The following TMEM120B variants were observed in gnomAD, a reference collection of about 807,000 sequenced individuals.
The protein encoded by TMEM120B is transmembrane protein 120B.
A neutral mutation model predicts 55.5 loss-of-function variants in TMEM120B; 31 were observed. The observed-to-expected ratio is 0.56, with a 90% CI of 0.42 to 0.75. TMEM120B has a LOEUF of 0.75. Ranked by LOEUF, TMEM120B falls within the 30% of genes least tolerant of loss-of-function variation. The pLI, the probability that TMEM120B is intolerant of heterozygous loss-of-function variation, is 0.00. For missense variants in TMEM120B, 399 were observed against 425.5 expected, an observed-to-expected ratio of 0.94 and a Z score of 0.55; for synonymous variants, 203 against 176.3, an observed-to-expected ratio of 1.15 and a Z score of -1.20.
At chr12:121,750,331 T>G in intron 3 of TMEM120B, 49 bp from the exon 4 acceptor site, 1 of 1,558,876 alleles carries the variant, frequency 6.4e-7, no homozygotes, top group African/African-American at 1.4e-5. Context: ...TGTTGTTGAT[T>G]CGCACCCACC....
At chr12:121,754,034 G>A (rs923624612) in intron 5 of TMEM120B, among the ~76,000 whole-genome samples, 20 of 152,348 alleles carry the variant, frequency 1.3e-4, no homozygotes, top group Admixed American at 7.8e-4. Flanking sequence ...TGTCCCCAGG[G>A]GAAGCGGTCA....
chr12:121,712,844 G>T lies in TMEM120B; in HGVS notation c.-52G>T. On this transcript the variant is annotated 5_prime_UTR_variant, in exon 1 of 12. Transcript: ENST00000449592. ...GGCGTGGGGCGCTGGGGGGCCGGTC[G>T]GGCAGCGCTGCGGGAGCAGCCGCCG... is the stretch of plus-strand genomic sequence containing the variant. The T allele has an allele frequency of 7.5e-7, 1 of 1,336,554 alleles. No individual in the cohort carries two copies. Among genetic ancestry groups the T allele is most frequent in the East Asian group, 3.1e-5 (1 of 32,294 alleles). 82.8% of individuals were successfully genotyped at this position (1,336,554 alleles called of 1,614,324 possible). A position where few individuals can be genotyped will look rare whatever the true frequency, so the allele number is the denominator to read the frequency against.
intron 1 of TMEM120B, among the ~76,000 whole-genome samples, chr12:121,716,147 TA>T (rs970429226): frequency 3.4e-4 from 49 of 142,126 alleles, no homozygotes; most frequent in Non-Finnish European, 3.9e-4. Flanking sequence ...CTACAAACAG[TA>T]AAAAAAAAAA....
At position 121,775,043 on chromosome 12, in the gene TMEM120B, C is replaced by T. The variant is rs200378793; in HGVS notation, c.838-19C>T. The stretch of plus-strand genomic sequence containing the variant: ...CCAGGGGAGTCTGGTGGGTGAGCAG[C>T]GCCTGCCTTCCTCTCCAGTTCTGGC... On this transcript the variant is annotated intron_variant, in intron 10 of 11. Coordinates refer to ENST00000449592, the MANE Select transcript of TMEM120B (RefSeq NM_001080825.2). This position sits in a 1 kb window ranked among gnomAD's most constrained non-coding sequence, Gnocchi z 4.3. 2.0e-5 allele frequency: 33 copies of T among 1,612,818 alleles called. No homozygotes were observed. Among genetic ancestry groups the T allele is most frequent in the Middle Eastern group, 3.5e-4 (2 of 5,782 alleles).
intron 1 of TMEM120B, among the ~76,000 whole-genome samples, chr12:121,735,056 T>C (rs1011584101): frequency 1.3e-5 from 2 of 148,852 alleles, no homozygotes; most frequent in African/African-American, 4.9e-5. Flanking sequence ...TGTGGTGGCA[T>C]GCGCCTGTAG....
intron 2 of TMEM120B, among the ~76,000 whole-genome samples, chr12:121,745,301 G>T (rs983172811): frequency 1.3e-5 from 2 of 152,166 alleles, no homozygotes; most frequent in African/African-American, 4.8e-5. Flanking sequence ...ATGATTGGTC[G>T]ACTGCTTATG....
rs757382933 is a variant in TMEM120B at position 121,761,656 on chromosome 12, G to A, written c.469G>A (p.Asp157Asn). 3 of 1,613,806 alleles carry A rather than the reference G, an allele frequency of 1.9e-6. No individual in the cohort carries two copies. The highest frequency in any genetic ancestry group is 2.2e-5 in the South Asian group (2 of 91,080). Residue 157 changes from aspartate (D) to asparagine (N), a missense_variant, in exon 6 of 12, where the codon GAC (aspartate) becomes AAC (asparagine). By Grantham distance (23) the Asp-to-Asn change is conservative (BLOSUM62 1). Around this residue, in one of 3 missense-constraint regions of TMEM120B, gnomAD observed 260 missense variants for 303.9 expected, o/e 0.86. Transcript: ENST00000449592. The part of the protein sequence containing the change: ...CRFVLHYRVT[D>N]EVFNFLLVWY... The stretch of plus-strand genomic sequence containing the variant: ...GGCTGTTTCCTTGCACAGGGTGACT[G>A]ACGAAGTCTTCAACTTCCTGCTGGT...
chr12:121,721,008 C>T (rs1894780817), intron 1 of TMEM120B, among the ~76,000 whole-genome samples: 1 of 152,126 alleles, frequency 6.6e-6, no homozygotes, highest in African/African-American at 2.4e-5. Flanking sequence ...CCTCATCTTC[C>T]CACTGGGGCA....
intron 1 of TMEM120B, among the ~76,000 whole-genome samples, chr12:121,716,072 C>T (rs994979489): frequency 2.7e-5 from 4 of 150,038 alleles, no homozygotes; most frequent in Admixed American, 2.0e-4. Flanking sequence ...GTTGGGAGGA[C>T]CGCTCCCAGC....
At chr12:121,753,468 G>C (rs895013736) in intron 5 of TMEM120B, among the ~76,000 whole-genome samples, 4 of 152,096 alleles carry the variant, frequency 2.6e-5, no homozygotes, top group Non-Finnish European at 5.9e-5. Flanking sequence ...CTACCCAAGA[G>C]GTTGAGGCAG....
intron 1 of TMEM120B, among the ~76,000 whole-genome samples, chr12:121,742,866 C>G (rs566911992): frequency 6.6e-6 from 1 of 152,326 alleles, no homozygotes; most frequent in South Asian, 2.1e-4. Context: ...TGAGCCAGCG[C>G]GTCCGGCCAG....
chr12:121,726,454 C>T (rs953081713), intron 1 of TMEM120B, among the ~76,000 whole-genome samples: 2 of 151,474 alleles, frequency 1.3e-5, no homozygotes, highest in African/African-American at 4.9e-5. Context: ...TGGCAGGCAC[C>T]TGTAGTCCCA....
intron 5 of TMEM120B, 108 bp from the exon 6 acceptor site, chr12:121,761,541 T>C (rs956911115): frequency 1.3e-5 from 10 of 767,054 alleles, no homozygotes; most frequent in East Asian, 1.3e-4. Flanking sequence ...AGGCAGCGCG[T>C]GCTGTGGGCA....
intron 6 of TMEM120B, among the ~76,000 whole-genome samples, chr12:121,765,100 G>C (rs1873804032): frequency 6.6e-6 from 1 of 151,202 alleles, no homozygotes; most frequent in Non-Finnish European, 1.5e-5. Context: ...AGCACCCACA[G>C]AGGTTTTTTT....
Position 121,780,817 on chromosome 12 carries a change from G to A in TMEM120B, c.*5095G>A. On this transcript the variant is annotated 3_prime_UTR_variant, in exon 12 of 12. Transcript: ENST00000449592. ...AGGCACCCCAGTTGCAGAGGCCAAAGGTCCGGGAGGCTTCACAGCCACGGC... is the reference window on the plus strand; with the variant it reads ...AGGCACCCCAGTTGCAGAGGCCAAAAGTCCGGGAGGCTTCACAGCCACGGC... The A allele has an allele frequency of 6.4e-7, 1 of 1,564,598 alleles. No individual in the cohort carries two copies. Among genetic ancestry groups the A allele is most frequent in the Non-Finnish European group, 8.6e-7 (1 of 1,158,126 alleles).
Position 121,758,842 on chromosome 12 carries a change from G to A in TMEM120B, c.462-2807G>A, listed in dbSNP as rs1183918028. The A allele has an allele frequency of 8.2e-6, 8 of 980,344 alleles. 1 individual carries two copies. Among genetic ancestry groups the A allele is most frequent in the Non-Finnish European group, 9.7e-6 (8 of 829,012 alleles). The allele number at this position is 980,344 out of a possible 1,614,324, so 60.7% of individuals were successfully genotyped here. ...GAGGAGGACGGCCTAGCTCCACGTT[G>A]TGGTCACCATAGAGGAGGACGGCCC... is the stretch of plus-strand genomic sequence containing the variant. On this transcript the variant is annotated intron_variant, in intron 5 of 11. Coordinates refer to ENST00000449592, the MANE Select transcript of TMEM120B (RefSeq NM_001080825.2).
At chr12:121,720,120 C>T (rs1894768056) in intron 1 of TMEM120B, among the ~76,000 whole-genome samples, 1 of 152,172 alleles carries the variant, frequency 6.6e-6, no homozygotes, top group Admixed American at 6.6e-5. Context: ...CATAACTCAG[C>T]TAATAAGTGG....
chr12:121,748,934 T>A (rs1873187575), intron 3 of TMEM120B, among the ~76,000 whole-genome samples: 1 of 152,198 alleles, frequency 6.6e-6, no homozygotes, highest in African/African-American at 2.4e-5. Context: ...TTCTTTGTAT[T>A]TTCCCCCTTC....
At chr12:121,754,196 C>T (rs1873413738) in intron 5 of TMEM120B, among the ~76,000 whole-genome samples, 1 of 152,228 alleles carries the variant, frequency 6.6e-6, no homozygotes. Flanking sequence ...CAGAGCCTGG[C>T]CTGTTTCCAC....
Sources: allele counts gnomAD v4.1 joint callset (sites outside exome capture counted in the v4.1 genomes callset), GRCh38; gene constraint gnomAD v4.1.1; regional missense constraint gnomAD v4.1.1; non-coding constraint Gnocchi (gnomAD v3.1); transcripts MANE v1.5; gene names NCBI Gene and HGNC (gene_info 2026-07-23, HGNC 2026-07-21).